Variants in PSMA8 observed in about 807,000 individuals in gnomAD.
PSMA8 encodes the protein proteasome subunit alpha-type 8.
In PSMA8, 18 loss-of-function variants were observed where a neutral mutation model predicts 32.4. The observed-to-expected ratio is 0.56, with a 90% CI of 0.38 to 0.82. PSMA8 has a LOEUF of 0.82. Ranked by LOEUF, PSMA8 falls within the 40% of genes least tolerant of loss-of-function variation. PSMA8 has a pLI of 0.00. For synonymous variants in PSMA8, 104 were observed against 98.1 expected, an observed-to-expected ratio of 1.06 and a Z score of -0.36; for missense variants, 298 against 300.7, an observed-to-expected ratio of 0.99 and a Z score of 0.07.
At chr18:26,167,296 A>G (rs2055188054) in intron 4 of PSMA8, among the ~76,000 whole-genome samples, 1 of 152,224 alleles carries the variant, frequency 6.6e-6, no homozygotes, top group Non-Finnish European at 1.5e-5. Context: ...CCATAATAAC[A>G]TATTGCAATA....
intron 3 of PSMA8, among the ~76,000 whole-genome samples, chr18:26,156,476 C>T (rs2055089718): frequency 6.6e-6 from 1 of 151,874 alleles, no homozygotes; most frequent in Non-Finnish European, 1.5e-5. Flanking sequence ...ACTACTTAGC[C>T]ATAAAAAAGA....
chr18:26,144,456 A>G, intron 1 of PSMA8, 103 bp from the exon 2 acceptor site: 1 of 925,080 alleles, frequency 1.1e-6, no homozygotes, highest in Non-Finnish European at 1.6e-6. Flanking sequence ...TTTTTATTGA[A>G]TACTTAAGGA....
chr18:26,175,528 C>G (rs1278534605), intron 4 of PSMA8, among the ~76,000 whole-genome samples: 1 of 152,120 alleles, frequency 6.6e-6, no homozygotes, highest in Non-Finnish European at 1.5e-5. Context: ...TGGAAGAGCA[C>G]ATGACCTTAC....
intron 4 of PSMA8, among the ~76,000 whole-genome samples, chr18:26,166,451 T>A (rs976784598): frequency 1.3e-5 from 2 of 152,170 alleles, no homozygotes; most frequent in South Asian, 4.1e-4. Flanking sequence ...ACATTTGCAA[T>A]TAAAAACTCA....
chr18:26,156,328 A>G (rs553606177), intron 3 of PSMA8, among the ~76,000 whole-genome samples: 1 of 152,180 alleles, frequency 6.6e-6, no homozygotes, highest in Non-Finnish European at 1.5e-5. Flanking sequence ...AAGGTAAAGA[A>G]ATCAGTATAT....
chr18:26,188,180 G>A (rs558071888), intron 6 of PSMA8, among the ~76,000 whole-genome samples: 1 of 152,064 alleles, frequency 6.6e-6, no homozygotes, highest in South Asian at 2.1e-4. Context: ...ATATGCTCCT[G>A]AATGACCAGT....
intron 4 of PSMA8, among the ~76,000 whole-genome samples, chr18:26,174,144 T>C (rs78871542): frequency 0.034 from 5,191 of 152,306 alleles, 303 homozygotes; most frequent in African/African-American, 0.12. Context: ...TATTTTAGAG[T>C]GAAAACGTAA....
At chr18:26,160,088 A>C (rs750050366) in intron 4 of PSMA8, among the ~76,000 whole-genome samples, 9 of 152,112 alleles carry the variant, frequency 5.9e-5, no homozygotes, top group Non-Finnish European at 1.3e-4. Flanking sequence ...GATTACTTGA[A>C]TGCAGGAGTT....
At chr18:26,187,468 C>T (rs1038086082) in intron 6 of PSMA8, among the ~76,000 whole-genome samples, 1 of 151,544 alleles carries the variant, frequency 6.6e-6, no homozygotes, top group Non-Finnish European at 1.5e-5. Flanking sequence ...CTAAACTCTC[C>T]AATCAAAAGA....
chr18:26,146,716 T>C (rs1297385531), intron 2 of PSMA8, among the ~76,000 whole-genome samples: 1 of 152,182 alleles, frequency 6.6e-6, no homozygotes, highest in Non-Finnish European at 1.5e-5. Flanking sequence ...TGAGCTGTGA[T>C]CACACCACTG....
At position 26,158,135 on chromosome 18, in the gene PSMA8, G is replaced by A; in HGVS notation, c.368G>A (p.Ser123Asn). ...IATLKQKYTQSNGRRPFGISA... is the reference protein window; with the variant it reads ...IATLKQKYTQNNGRRPFGISA... ...TTATTTTTCTAGAAATATACCCAAA[G>A]CAATGGACGAAGACCTTTTGGTATT... Residue 123 changes from serine (S) to asparagine (N), a missense_variant, in exon 4 of 7, where the codon AGC (serine) becomes AAC (asparagine). Transcript: ENST00000415576. 6.3e-7 allele frequency: 1 copy of A among 1,589,730 alleles called. No homozygotes were observed. Among genetic ancestry groups the A allele is most frequent in the Admixed American group, 1.7e-5 (1 of 58,408 alleles).
At chr18:26,148,563 C>T (rs2055021600) in intron 2 of PSMA8, among the ~76,000 whole-genome samples, 1 of 152,130 alleles carries the variant, frequency 6.6e-6, no homozygotes, top group African/African-American at 2.4e-5. Context: ...TGACATCATA[C>T]TCAGTGGTGA....
chr18:26,142,402 G>T (rs1598642191), intron 1 of PSMA8, among the ~76,000 whole-genome samples: 2 of 152,160 alleles, frequency 1.3e-5, no homozygotes, highest in East Asian at 3.9e-4. Context: ...CAATACCTAT[G>T]TCAAAATTTT....
At chr18:26,141,713 C>CTTTTTTTTTTTTTT (rs1011733993) in intron 1 of PSMA8, among the ~76,000 whole-genome samples, 5 of 109,990 alleles carry the variant, frequency 4.5e-5, no homozygotes, top group African/African-American at 7.5e-5. Flanking sequence ...TTTCTTTTTT[C>CTTTTTTTTTTTTTT]TTTTTTTTTT....
chr18:26,139,453 A>G (rs1346953103), intron 1 of PSMA8, among the ~76,000 whole-genome samples: 1 of 152,236 alleles, frequency 6.6e-6, no homozygotes, highest in Admixed American at 6.5e-5. Context: ...ACCCTGAGCC[A>G]GAGGAATTAG....
At chr18:26,174,179 A>G (rs1313998265) in intron 4 of PSMA8, among the ~76,000 whole-genome samples, 1 of 152,256 alleles carries the variant, frequency 6.6e-6, no homozygotes, top group African/African-American at 2.4e-5. Context: ...GGATCATGAA[A>G]TGATGCTTCT....
intron 4 of PSMA8, among the ~76,000 whole-genome samples, chr18:26,162,577 A>G (rs2144314606): frequency 6.6e-6 from 1 of 152,318 alleles, no homozygotes; most frequent in African/African-American, 2.4e-5. Context: ...TACAAAAATA[A>G]AATCCTGGCT....
chr18:26,134,928 T>C (rs887989343), intron 1 of PSMA8, among the ~76,000 whole-genome samples: 2 of 149,884 alleles, frequency 1.3e-5, no homozygotes, highest in Non-Finnish European at 3.0e-5. Context: ...CACTCCAGCC[T>C]GGGCAACAAA....
At chr18:26,137,098 T>C (rs1412511613) in intron 1 of PSMA8, among the ~76,000 whole-genome samples, 1 of 152,228 alleles carries the variant, frequency 6.6e-6, no homozygotes, top group African/African-American at 2.4e-5. Context: ...AGAAATCAGA[T>C]ATGTATCACT....
Sources: allele counts gnomAD v4.1 joint callset (sites outside exome capture counted in the v4.1 genomes callset), GRCh38; gene constraint gnomAD v4.1.1; transcripts MANE v1.5; gene names NCBI Gene and HGNC (gene_info 2026-07-23, HGNC 2026-07-21).